MACROD2: variants seen among roughly 807,000 people sequenced by gnomAD.
MACROD2 encodes ADP-ribose glycohydrolase MACROD2.
Under a neutral mutation model 70.4 loss-of-function variants are expected in MACROD2, and 36 were observed. The ratio of observed to expected loss-of-function variants is 0.51; its 90% CI spans 0.39 to 0.68. The LOEUF (loss-of-function observed/expected upper bound fraction) is 0.68, where lower values mean the gene tolerates loss of function less well. MACROD2 is among the 30% of genes least tolerant of loss of function. The pLI is 0.00. For synonymous variants in MACROD2, 172 were observed against 178.8 expected (o/e 0.96, Z 0.30); for missense variants, 496 against 538.4 (o/e 0.92, Z 0.78).
At chr20:14,680,146 G>A (rs755049883) in intron 4 of MACROD2, among the ~76,000 whole-genome samples, 1 of 152,138 alleles carries the variant, frequency 6.6e-6, no homozygotes, top group Non-Finnish European at 1.5e-5. Context: ...GAATTAAGGA[G>A]GAGATGCCAG....
At chr20:15,499,743 G>A (rs767238647) in intron 7 of MACROD2, 31 bp from the exon 8 acceptor site, 1 of 1,609,834 alleles carries the variant, frequency 6.2e-7, no homozygotes, top group Non-Finnish European at 8.5e-7. Context: ...ATCTTTCGTT[G>A]TTCATTTGTT....
At chr20:14,757,474 T>C in intron 5 of MACROD2, 1 of 502,824 alleles carries the variant, frequency 2.0e-6, no homozygotes, top group South Asian at 3.0e-5. Flanking sequence ...GTTATTTTTC[T>C]TAGGTAGGCA....
chr20:15,015,313 A>C (rs1027467520), intron 5 of MACROD2, among the ~76,000 whole-genome samples: 3 of 152,204 alleles, frequency 2.0e-5, no homozygotes, highest in Admixed American at 6.5e-5. Context: ...AATATAAAAG[A>C]AACTTATCTA....
intron 5 of MACROD2, among the ~76,000 whole-genome samples, chr20:15,030,591 C>T (rs2075267031): frequency 6.6e-6 from 1 of 152,138 alleles, no homozygotes; most frequent in Non-Finnish European, 1.5e-5. Flanking sequence ...AACATCTTTG[C>T]TCAGGGCATG....
chr20:14,350,842 T>C (rs780352320), intron 3 of MACROD2, among the ~76,000 whole-genome samples: 4 of 152,206 alleles, frequency 2.6e-5, no homozygotes, highest in Non-Finnish European at 5.9e-5. Flanking sequence ...CAGACCTATG[T>C]CCTGAAGAGT....
chr20:15,873,391 A>T (rs1209401363), intron 9 of MACROD2, among the ~76,000 whole-genome samples: 1 of 152,180 alleles, frequency 6.6e-6, no homozygotes, highest in East Asian at 1.9e-4. Context: ...TATACATGAA[A>T]AAAAGGTAAT....
At chr20:14,799,750 A>G (rs1379658663) in intron 5 of MACROD2, among the ~76,000 whole-genome samples, 4 of 152,056 alleles carry the variant, frequency 2.6e-5, no homozygotes, top group African/African-American at 4.8e-5. Context: ...ACACATCTAT[A>G]TAATTGCAGA....
chr20:14,593,172 T>C (rs1343678191), intron 4 of MACROD2, among the ~76,000 whole-genome samples: 5 of 152,106 alleles, frequency 3.3e-5, no homozygotes, highest in Non-Finnish European at 7.4e-5. Flanking sequence ...TTTAAATTCT[T>C]TTATGAGTGT....
intron 8 of MACROD2, among the ~76,000 whole-genome samples, chr20:15,768,800 T>G (rs1189148972): frequency 6.6e-6 from 1 of 152,224 alleles, no homozygotes; most frequent in Non-Finnish European, 1.5e-5. Context: ...ATTTTTAAAT[T>G]ATTAATTTTC....
chr20:15,786,607 A>G (rs1320426807), intron 8 of MACROD2, among the ~76,000 whole-genome samples: 1 of 152,208 alleles, frequency 6.6e-6, no homozygotes, highest in Non-Finnish European at 1.5e-5. Context: ...TCAAATAACA[A>G]ATTATCTCAC....
intron 5 of MACROD2, among the ~76,000 whole-genome samples, chr20:14,723,127 A>T (rs1264903000): frequency 6.6e-6 from 1 of 152,152 alleles, no homozygotes; most frequent in Non-Finnish European, 1.5e-5. Context: ...ATTCCAGCAC[A>T]TACACAAAAA....
chr20:14,048,348 T>C (rs114429258), intron 2 of MACROD2, among the ~76,000 whole-genome samples: 3 of 152,286 alleles, frequency 2.0e-5, no homozygotes, highest in African/African-American at 7.2e-5. Context: ...CTCTATCTCA[T>C]TGTCTGGTTG....
chr20:15,497,028 C>T (rs1304819860), intron 7 of MACROD2, among the ~76,000 whole-genome samples: 1 of 152,238 alleles, frequency 6.6e-6, no homozygotes, highest in East Asian at 1.9e-4. Context: ...TTCAGAGGGA[C>T]AATGCCTTTA....
intron 5 of MACROD2, among the ~76,000 whole-genome samples, chr20:15,066,099 A>G (rs2075572187): frequency 6.6e-6 from 1 of 150,628 alleles, no homozygotes; most frequent in African/African-American, 2.4e-5. Flanking sequence ...AAGTGAAAAC[A>G]AGAGCTGCTT....
intron 9 of MACROD2, among the ~76,000 whole-genome samples, chr20:15,873,599 A>G (rs2064617890): frequency 6.6e-6 from 1 of 152,022 alleles, no homozygotes; most frequent in Non-Finnish European, 1.5e-5. Flanking sequence ...GTGGTTTCCC[A>G]GTTTGTCATT....
intron 4 of MACROD2, among the ~76,000 whole-genome samples, chr20:14,534,938 C>T (rs1386495510): frequency 1.3e-5 from 2 of 152,052 alleles, no homozygotes; most frequent in African/African-American, 4.8e-5. Context: ...ATATTGTTGT[C>T]CTTGGAGACA....
intron 2 of MACROD2, chr20:14,003,821 G>A: frequency 2.8e-6 from 1 of 354,214 alleles, no homozygotes; most frequent in South Asian, 2.5e-5. Context: ...TTGAAAGAGA[G>A]GAGAGTGCTG....
chr20:15,317,949 A>G (rs972707598), intron 6 of MACROD2, among the ~76,000 whole-genome samples: 3 of 152,132 alleles, frequency 2.0e-5, no homozygotes, highest in African/African-American at 7.2e-5. Context: ...GCTGATACAT[A>G]AAATTAGCCA....
intron 5 of MACROD2, among the ~76,000 whole-genome samples, chr20:15,072,538 C>T (rs2123110248): frequency 6.6e-6 from 1 of 152,194 alleles, no homozygotes; most frequent in African/African-American, 2.4e-5. Flanking sequence ...GGCTTCTTCC[C>T]AACTGTGAGC....
Sources: gnomAD v4.1 joint callset for allele counts (sites outside exome capture counted in the v4.1 genomes callset) on GRCh38, gnomAD v4.1.1 for gene constraint, MANE v1.5 for transcripts, NCBI Gene and HGNC (gene_info 2026-07-23, HGNC 2026-07-21) for gene names.